The following GMDS variants were observed in gnomAD, a reference collection of about 807,000 sequenced individuals.
GMDS encodes GDP-mannose 4,6 dehydratase.
GMDS carries 20 observed loss-of-function variants against 49.9 expected under a neutral mutation model. The observed-to-expected ratio is 0.40, with a 90% CI of 0.28 to 0.58. The LOEUF (loss-of-function observed/expected upper bound fraction) is 0.58. GMDS is among the 20% of genes least tolerant of loss of function. The pLI is 0.42. For missense variants in GMDS, 362 were observed against 481.4 expected, an observed-to-expected ratio of 0.75 and a Z score of 2.32; for synonymous variants, 177 against 178.6, an observed-to-expected ratio of 0.99 and a Z score of 0.07.
chr6:1,955,861 G>A (rs1233679047), intron 6 of GMDS, among the ~76,000 whole-genome samples: 1 of 152,112 alleles, frequency 6.6e-6, no homozygotes, highest in Non-Finnish European at 1.5e-5. Flanking sequence ...ACGTGTCCAA[G>A]CTCAGGAGTT....
chr6:2,175,970 C>T (rs764241196), intron 1 of GMDS: 21 of 1,531,474 alleles, frequency 1.4e-5, no homozygotes, highest in Non-Finnish European at 1.7e-5. Flanking sequence ...TGGTAACGCT[C>T]CCAACAAACT....
intron 7 of GMDS, among the ~76,000 whole-genome samples, chr6:1,909,944 A>C (rs1057108346): frequency 6.6e-6 from 1 of 152,194 alleles, no homozygotes; most frequent in African/African-American, 2.4e-5. Flanking sequence ...ACTCCCGATC[A>C]AGATCCAGAG....
intron 4 of GMDS, among the ~76,000 whole-genome samples, chr6:1,991,661 T>C (rs1765947170): frequency 6.6e-6 from 1 of 152,212 alleles, no homozygotes; most frequent in Non-Finnish European, 1.5e-5. Flanking sequence ...CTGTTTTCTT[T>C]ACTGGCTTTT....
chr6:2,125,450 C>T (rs1279841795), intron 1 of GMDS, among the ~76,000 whole-genome samples: 2 of 152,066 alleles, frequency 1.3e-5, no homozygotes, highest in East Asian at 3.9e-4. Flanking sequence ...AAAAATTAGC[C>T]AGTCTTGGTG....
chr6:2,174,771 G>A (rs982637497), intron 1 of GMDS, among the ~76,000 whole-genome samples: 7 of 152,028 alleles, frequency 4.6e-5, no homozygotes, highest in Non-Finnish European at 7.4e-5. Flanking sequence ...ATTGCACCAT[G>A]TTGGCCAGGC....
rs186429588 is a variant in GMDS at position 1,848,956 on chromosome 6, G to A, written c.771+81147C>T. On this transcript the variant is annotated intron_variant, in intron 7 of 10. Transcript: ENST00000380815. ...TGTGGGGGCTTTCCTGTGACTGCAG[G>A]ATGTGTAGCAGCATACCTGGCCTCA... 1.1e-4 allele frequency among the ~76,000 whole-genome samples: 17 copies of A among 152,266 alleles called. 1 individual carries two copies. In the East Asian group the frequency reaches 3.3e-3, roughly 29 times the overall value.
At chr6:2,167,741 GA>G (rs1167030055) in intron 1 of GMDS, among the ~76,000 whole-genome samples, 4 of 151,880 alleles carry the variant, frequency 2.6e-5, no homozygotes, top group Non-Finnish European at 2.9e-5. Context: ...ATCCTCCTCT[GA>G]TAATTCCTCT....
At chr6:1,998,090 G>A (rs1050874641) in intron 4 of GMDS, among the ~76,000 whole-genome samples, 2 of 152,080 alleles carry the variant, frequency 1.3e-5, no homozygotes, top group Admixed American at 6.5e-5. Context: ...AAACATCGGG[G>A]AAGATCAAAT....
At chr6:1,967,487 TA>T (rs1764328492) in intron 4 of GMDS, among the ~76,000 whole-genome samples, 1 of 152,106 alleles carries the variant, frequency 6.6e-6, no homozygotes, top group South Asian at 2.1e-4. Flanking sequence ...ATTACTGAAA[TA>T]AAAGGTAAAA....
At chr6:1,984,996 G>T (rs1682358037) in intron 4 of GMDS, among the ~76,000 whole-genome samples, 1 of 152,196 alleles carries the variant, frequency 6.6e-6, no homozygotes, top group Non-Finnish European at 1.5e-5. Context: ...CAGGGTAACA[G>T]CTAAAAGCAC....
intron 7 of GMDS, among the ~76,000 whole-genome samples, chr6:1,759,755 G>C (rs1768089232): frequency 6.6e-6 from 1 of 152,206 alleles, no homozygotes; most frequent in Non-Finnish European, 1.5e-5. Context: ...GCTTCAGGTA[G>C]TTATCAGGGA....
rs571897020 is a variant in GMDS, at chr6:2,033,596, A to G, written c.346-72630T>C. Reference sequence around the variant, plus strand: ...AAGAATAAATTTATTTCTTAAAAGAATGCTTTCAGAATATAAGAAGGCTTC... The same window carrying G: ...AAGAATAAATTTATTTCTTAAAAGAGTGCTTTCAGAATATAAGAAGGCTTC... On this transcript the variant is annotated intron_variant, in intron 4 of 10. Coordinates refer to ENST00000380815, the MANE Select transcript of GMDS (RefSeq NM_001500.4). Among the ~76,000 whole-genome samples the G allele has an allele frequency of 2.4e-3, 373 of 152,358 alleles. 1 individual carries two copies. The highest frequency in any genetic ancestry group is 8.7e-3 in the African/African-American group (362 of 41,584).
chr6:2,223,337 G>A (rs921664007), intron 1 of GMDS, among the ~76,000 whole-genome samples: 5 of 152,026 alleles, frequency 3.3e-5, no homozygotes, highest in African/African-American at 9.7e-5. Context: ...TAGTCACAAA[G>A]GCACTGGGAC....
intron 1 of GMDS, among the ~76,000 whole-genome samples, chr6:2,167,037 A>C (rs1777702841): frequency 1.3e-5 from 2 of 152,210 alleles, no homozygotes; most frequent in African/African-American, 4.8e-5. Flanking sequence ...TGACACCTTC[A>C]AGGCCACTGT....
At chr6:2,208,132 G>A (rs547943250) in intron 1 of GMDS, among the ~76,000 whole-genome samples, 23 of 152,232 alleles carry the variant, frequency 1.5e-4, no homozygotes, top group Admixed American at 1.4e-3. Flanking sequence ...TGTAAGAGAA[G>A]TCTGATGGTA....
At chr6:2,071,594 T>C (rs73716930) in intron 4 of GMDS, among the ~76,000 whole-genome samples, 3,764 of 151,182 alleles carry the variant, frequency 0.025, 147 homozygotes, top group African/African-American at 0.085. Flanking sequence ...AAAGGCAGCA[T>C]CTCTAGCAAA....
chr6:1,716,476 C>T (rs761147), intron 9 of GMDS, among the ~76,000 whole-genome samples: 93,815 of 152,056 alleles, frequency 0.62, 31,063 homozygotes, highest in East Asian at 0.88. Flanking sequence ...TTTTAAGACT[C>T]GTGACAGCAA....
Position 2,057,773 on chromosome 6 carries a change from T to G in GMDS, c.345+57998A>C, listed in dbSNP as rs1770865397. 2.6e-5 allele frequency among the ~76,000 whole-genome samples: 4 copies of G among 152,222 alleles called. No homozygotes were observed. The South Asian group carries it at 8.3e-4, about 32-fold the overall frequency. Reference sequence around the variant, plus strand: ...TCAATATCGGACTATAGCCACACTGTCCAGCAGAACTTTCTGTGGTAATAG... The same window carrying G: ...TCAATATCGGACTATAGCCACACTGGCCAGCAGAACTTTCTGTGGTAATAG... On this transcript the variant is annotated intron_variant, in intron 4 of 10. Coordinates refer to ENST00000380815, the MANE Select transcript of GMDS (RefSeq NM_001500.4).
chr6:1,676,404 A>G (rs1044880584), intron 9 of GMDS, among the ~76,000 whole-genome samples: 8 of 152,202 alleles, frequency 5.3e-5, no homozygotes, highest in Admixed American at 5.2e-4. Context: ...GCTACCAATG[A>G]CTTTCTTCAT....
Sources: allele counts gnomAD v4.1 joint callset (sites outside exome capture counted in the v4.1 genomes callset), GRCh38; gene constraint gnomAD v4.1.1; transcripts MANE v1.5; gene names NCBI Gene and HGNC (gene_info 2026-07-23, HGNC 2026-07-21).